The following PLXNB3 variants were observed in gnomAD, a reference collection of about 807,000 sequenced individuals.
The protein encoded by PLXNB3 is plexin B3, also known as plexin-B3.
A neutral mutation model predicts 125.7 loss-of-function variants in PLXNB3; 80 were observed. The observed-to-expected ratio is 0.64, with a 90% CI of 0.53 to 0.77. The LOEUF (loss-of-function observed/expected upper bound fraction) is 0.77. PLXNB3 is among the 30% of genes least tolerant of loss of function. The probability of loss-of-function intolerance (pLI) is 0.00; values close to 1 mark genes in which losing one functional copy is unlikely to be tolerated. For synonymous variants in PLXNB3, 954 were observed against 783.3 expected, an observed-to-expected ratio of 1.22 and a Z score of -3.64; for missense variants, 1,836 against 1,729.3, an observed-to-expected ratio of 1.06 and a Z score of -1.09.
chrX:153,770,557 G>A lies in PLXNB3; in HGVS notation c.1925G>A (p.Arg642Gln), dbSNP rs782469938. 5.9e-5 allele frequency: 72 copies of A among 1,210,451 alleles called. No individual in the cohort carries two copies. The East Asian group carries it at 7.1e-4, about 12-fold the overall frequency. The change falls in exon 10 of 36, where the codon CGG becomes CAG. Residue 642 changes from arginine (R) to glutamine (Q), a missense_variant. Arg to Gln is a conservative substitution (Grantham distance 43). Transcript: ENST00000361971. ...PCRACVGSIWRCHWCPQSSHC... is the reference protein window; with the variant it reads ...PCRACVGSIWQCHWCPQSSHC... ...CGCGCTTGCGTGGGCAGCATCTGGC[G>A]GTGTCACTGGTGCCCGCAGAGTAGC...
At position 153,770,174 on chromosome X, in the gene PLXNB3, C is replaced by G; in HGVS notation, c.1712C>G (p.Ala571Gly). 8.3e-7 allele frequency: 1 copy of G among 1,211,375 alleles called. No individual in the cohort carries two copies. The highest frequency in any genetic ancestry group is 1.1e-6 in the Non-Finnish European group (1 of 895,407). The change falls in exon 8 of 36, where the codon GCT (alanine) becomes GGT (glycine). Residue 571 changes from alanine (A) to glycine (G), a missense_variant. Coordinates refer to ENST00000361971, the MANE Select transcript of PLXNB3 (RefSeq NM_005393.3). ...HCAFGDYDSL[A>G]HVEGPHVACV... ...GCGTTCGGGGACTATGACAGCTTGG[C>G]TCATGTGGAAGGGCCCCACGTGGCC...
Position 153,769,209 on chromosome X carries a change from C to A in PLXNB3, c.1443C>A (p.Ala481=), listed in dbSNP as rs189692059. The A allele has an allele frequency of 1.7e-6, 2 of 1,178,615 alleles. No individual in the cohort carries two copies. The highest frequency in any genetic ancestry group is 1.9e-5 in the South Asian group (1 of 53,533). Residue 481 remains alanine, a synonymous_variant, in exon 6 of 36, where the codon GCC becomes GCA. Transcript: ENST00000361971. ...CCTGCCCCCAGTTCCCTGACTGTGC[C>A]AGCTGCCTCCAGGCCCAGGACCCGC... ...VAACPQFPDC[A]SCLQAQDPLC... is the part of the protein sequence containing the mutation.
rs782008672 is a variant in PLXNB3 at position 153,775,177 on chromosome X, TG to T, written c.4156-43del. On this transcript the variant is annotated intron_variant, in intron 24 of 35. Coordinates refer to ENST00000361971, the MANE Select transcript of PLXNB3 (RefSeq NM_005393.3). The stretch of plus-strand genomic sequence containing the variant: ...GGGAACTACTGGCCTGAGACAAAGG[TG>T]GGGGAGGAGTGGGGCTTCCCAGGAT... 16 of 1,149,944 alleles carry T rather than the reference TG, an allele frequency of 1.4e-5. No homozygotes were observed. In the East Asian group the frequency reaches 4.1e-4, roughly 29 times the overall value. The allele number at this position is 1,149,944 out of a possible 1,213,427, so 94.8% of individuals were successfully genotyped here.
intron 31 of PLXNB3, 118 bp from the exon 32 acceptor site, chrX:153,777,822 TAGGCCACC>T: frequency 9.3e-7 from 1 of 1,074,542 alleles, no homozygotes; most frequent in Non-Finnish European, 1.3e-6. Flanking sequence ...CCAGGTCACC[TAGGCCACC>T]AGGCCAGCTT....
chrX:153,765,660 G>A (rs1464323854), intron 2 of PLXNB3, 80 bp downstream of exon 2: 1 of 1,164,517 alleles, frequency 8.6e-7, no homozygotes, highest in East Asian at 3.3e-5. Flanking sequence ...CCAGGCCCAG[G>A]ACATACAGGC....
In PLXNB3 at chrX:153,779,330, C is replaced by T; in HGVS notation, c.*291C>T. 1 of 220,689 alleles carries T rather than the reference C, an allele frequency of 4.5e-6. No homozygotes were observed. The highest frequency in any genetic ancestry group is 8.2e-6 in the Non-Finnish European group (1 of 121,978). The allele number at this position is 220,689 out of a possible 1,213,427, so 18.2% of individuals were successfully genotyped here. On this transcript the variant is annotated 3_prime_UTR_variant, in exon 36 of 36. Transcript: ENST00000361971. ...ATCCGGAAATAAAATAGAAATATGT[C>T]TTTTTATTTTATTTTGAGACGGAGT...
At position 153,773,936 on chromosome X, in the gene PLXNB3, G is replaced by A. The variant is rs149200734; in HGVS notation, c.3357G>A (p.Pro1119=). 6.0e-5 allele frequency: 73 copies of A among 1,209,835 alleles called. No individual in the cohort carries two copies. Among genetic ancestry groups the A allele is most frequent in the Middle Eastern group, 2.3e-4 (1 of 4,372 alleles). ...RSPAVPDRAH[P]QRVFFTLDNV... ...CTGCTGTACCAGACAGAGCCCACCC[G>A]CAGCGGGTCTTCTTCACCCTAGACA... Residue 1119 remains proline, a synonymous_variant, in exon 20 of 36, where the codon CCG becomes CCA. Transcript: ENST00000361971.
rs2091913661 is a variant in PLXNB3 at position 153,770,335 on chromosome X, C to T, written c.1787-3C>T. ...CTGTCCTGCCCCCACTGTCCCCTCC[C>T]AGACCACGTCACTGTGCCCCTGGCC... On this transcript the variant is annotated splice_region_variant and splice_polypyrimidine_tract_variant and intron_variant, in intron 8 of 35. Transcript: ENST00000361971. 8.3e-7 allele frequency: 1 copy of T among 1,207,374 alleles called. No individual in the cohort carries two copies. Among genetic ancestry groups the T allele is most frequent in the South Asian group, 1.8e-5 (1 of 56,767 alleles).
Position 153,767,673 on chromosome X carries a change from C to T in PLXNB3, c.846C>T (p.Ala282=). 8.4e-7 allele frequency: 1 copy of T among 1,189,956 alleles called. No homozygotes were observed. The highest frequency in any genetic ancestry group is 1.1e-6 in the Non-Finnish European group (1 of 884,535). Residue 282 remains alanine, a synonymous_variant, in exon 3 of 36, where the codon GCC becomes GCT. Coordinates refer to ENST00000361971, the MANE Select transcript of PLXNB3 (RefSeq NM_005393.3). ...ACTCCTACGTGGAGGTCCCCCTCGCCTGCCAGGGCCAGGGCCTCATCCAGG... is the reference window on the plus strand; with the variant it reads ...ACTCCTACGTGGAGGTCCCCCTCGCTTGCCAGGGCCAGGGCCTCATCCAGG... The part of the protein sequence containing the change: ...NLYSYVEVPL[A]CQGQGLIQAA...
In PLXNB3 at chrX:153,773,220, C is replaced by T. The variant is rs782556269; in HGVS notation, c.2907-10C>T. The T allele has an allele frequency of 2.0e-5, 24 of 1,193,602 alleles. No individual in the cohort carries two copies. On this transcript the variant is annotated splice_polypyrimidine_tract_variant and intron_variant, in intron 17 of 35. Transcript: ENST00000361971. ...AGCCGAGATGAGAGACCCCACTACC[C>T]ATCCTGCAGCCTGGAGCCAGTGTGT...
At position 153,777,360 on chromosome X, in the gene PLXNB3, A is replaced by G. The variant is rs1249993822; in HGVS notation, c.5080A>G (p.Thr1694Ala). 1 of 1,197,875 alleles carries G rather than the reference A, an allele frequency of 8.3e-7. No homozygotes were observed. Among genetic ancestry groups the G allele is most frequent in the Non-Finnish European group, 1.1e-6 (1 of 887,052 alleles). Residue 1694 changes from threonine to alanine, a missense_variant, in exon 30 of 36, where the codon ACC (threonine) becomes GCC (alanine). Coordinates refer to ENST00000361971, the MANE Select transcript of PLXNB3 (RefSeq NM_005393.3). Reference sequence around the variant, plus strand: ...CAAGGCCATTCCGGAAATCTACCTCACCCGTCTGCTGTCCATGAAGGTTGG... The same window carrying G: ...CAAGGCCATTCCGGAAATCTACCTCGCCCGTCTGCTGTCCATGAAGGTTGG... ...RAKAIPEIYL[T>A]RLLSMKGTLQ...
chrX:153,769,321 C>A, intron 6 of PLXNB3, 59 bp downstream of exon 6: 1 of 976,348 alleles, frequency 1.0e-6, no homozygotes, highest in Non-Finnish European at 1.4e-6. Context: ...CACGAGGCTG[C>A]CCCTGGAAGT....
Position 153,770,510 on chromosome X carries a change from G to A in PLXNB3, c.1896-18G>A. 1 of 1,206,435 alleles carries A rather than the reference G, an allele frequency of 8.3e-7. No homozygotes were observed. The highest frequency in any genetic ancestry group is 1.1e-6 in the Non-Finnish European group (1 of 892,544). The stretch of plus-strand genomic sequence containing the variant: ...ACCCCAGAGGGCACTCAGTTGAGCA[G>A]CCACCCTGCCCCTCTAGGTGTCGCG... On this transcript the variant is annotated intron_variant, in intron 9 of 35. Transcript: ENST00000361971.
In PLXNB3 at chrX:153,775,030, G is replaced by A. The variant is rs782119260; in HGVS notation, c.4082G>A (p.Gly1361Asp). Residue 1361 changes from glycine to aspartate, a missense_variant, in exon 24 of 36, where the codon GGC becomes GAC. Transcript: ENST00000361971. ...AAGCCTGAGGGGCCAGGGGAGGACG[G>A]CCACTGTGCCACTGTGCGCCAGGGC... ...QPKPEGPGED[G>D]HCATVRQGLT... 1.1e-5 allele frequency: 13 copies of A among 1,207,360 alleles called. No individual in the cohort carries two copies. Among genetic ancestry groups the A allele is most frequent in the Admixed American group, 4.4e-5 (2 of 45,774 alleles).
Position 153,773,680 on chromosome X carries a change from G to A in PLXNB3, c.3246G>A (p.Gln1082=). The A allele has an allele frequency of 8.5e-7, 1 of 1,173,136 alleles. No homozygotes were observed. The change falls in exon 19 of 36, where the codon CAG becomes CAA. Residue 1082 remains glutamine (Q), a synonymous_variant. Transcript: ENST00000361971. Reference sequence around the variant, plus strand: ...GTGGAGCCCCTGCTGCGGACCCCCAGGCTTGTATCCAGCTCGGTGGGGGGC... The same window carrying A: ...GTGGAGCCCCTGCTGCGGACCCCCAAGCTTGTATCCAGCTCGGTGGGGGGC... ...RSCGAPAADP[Q]ACIQLGGGLL...
intron 16 of PLXNB3, 62 bp downstream of exon 16, chrX:153,772,349 A>G: frequency 1.2e-6 from 1 of 851,528 alleles, no homozygotes; most frequent in Non-Finnish European, 1.7e-6. Flanking sequence ...CAGGAAGGAC[A>G]GGCGCCTAGT....
chrX:153,773,235 A>T lies in PLXNB3; in HGVS notation c.2912A>T (p.Glu971Val). The change falls in exon 18 of 36, where the codon GAG (glutamate) becomes GTG (valine). Residue 971 changes from glutamate to valine, a missense_variant. Transcript: ENST00000361971. ...CCCCACTACCCATCCTGCAGCCTGGAGCCAGTGTGTCCGGAGGCCATCGTG... is the reference window on the plus strand; with the variant it reads ...CCCCACTACCCATCCTGCAGCCTGGTGCCAGTGTGTCCGGAGGCCATCGTG... ...FVGGQPCPIL[E>V]PVCPEAIVCR... is the part of the protein sequence containing the mutation. The T allele has an allele frequency of 8.3e-7, 1 of 1,204,167 alleles. No homozygotes were observed. The highest frequency in any genetic ancestry group is 1.1e-6 in the Non-Finnish European group (1 of 891,206).
In PLXNB3 at chrX:153,767,547, C is replaced by T. The variant is rs35669018; in HGVS notation, c.720C>T (p.Asp240=). 1.4e-3 allele frequency: 1,601 copies of T among 1,170,992 alleles called. 18 individuals are homozygous for T. The African/African-American group carries it at 0.024, about 18-fold the overall frequency. The change falls in exon 3 of 36, where the codon GAC becomes GAT. Residue 240 remains aspartate, a synonymous_variant. Transcript: ENST00000361971. ...YNNSYVGAFA[D]ARSAYFVFRR... ...ACAGCTACGTCGGGGCCTTTGCCGA[C>T]GCCCGCTCCGCCTACTTCGTGTTCC...
rs1209734596 is a variant in PLXNB3, at chrX:153,771,025, G to A, written c.2197G>A (p.Ala733Thr). The change falls in exon 12 of 36, where the codon GCC becomes ACC. Residue 733 changes from alanine to threonine, a missense_variant. Coordinates refer to ENST00000361971, the MANE Select transcript of PLXNB3 (RefSeq NM_005393.3). ...GCCTGGAGAACTTCGGGGACTGCCG[G>A]CCACCCTGGAGGAGACAGCAGGGGA... ...ELPGELRGLP[A>T]TLEETAGDSG... The A allele has an allele frequency of 8.3e-7, 1 of 1,210,404 alleles. No individual in the cohort carries two copies. The highest frequency in any genetic ancestry group is 1.1e-6 in the Non-Finnish European group (1 of 895,396).
Sources: gnomAD v4.1 joint callset for allele counts on GRCh38, gnomAD v4.1.1 for gene constraint, MANE v1.5 for transcripts, NCBI Gene and HGNC (gene_info 2026-07-23, HGNC 2026-07-21) for gene names.